Variants in WWOX observed in about 807,000 individuals in gnomAD.
WWOX encodes the protein WW domain containing oxidoreductase.
In WWOX, 69 loss-of-function variants were observed where a neutral mutation model predicts 46.2. That is an observed-to-expected ratio of 1.49 (90% CI 1.23 to 1.82). The LOEUF (loss-of-function observed/expected upper bound fraction) is 1.82, where lower values mean the gene tolerates loss of function less well. WWOX is among the 40% of genes most tolerant of loss of function. WWOX has a pLI of 0.00. For missense variants in WWOX, 919 were observed against 542.6 expected, an observed-to-expected ratio of 1.69 and a Z score of -6.89; for synonymous variants, 359 against 202.6, an observed-to-expected ratio of 1.77 and a Z score of -6.56.
chr16:78,235,120 ATAAT>A (rs1352314791), intron 5 of WWOX, among the ~76,000 whole-genome samples: 2 of 152,150 alleles, frequency 1.3e-5, no homozygotes, highest in Non-Finnish European at 2.9e-5. Context: ...AATATCATAA[ATAAT>A]TAAGAATTTA....
chr16:78,338,467 T>C (rs2080942535), intron 5 of WWOX, among the ~76,000 whole-genome samples: 1 of 121,730 alleles, frequency 8.2e-6, no homozygotes, highest in Non-Finnish European at 2.0e-5. Context: ...TTAAATTGTT[T>C]TATTATTGTT....
At chr16:79,163,337 G>T (rs2050524144) in intron 8 of WWOX, among the ~76,000 whole-genome samples, 1 of 152,148 alleles carries the variant, frequency 6.6e-6, no homozygotes, top group Non-Finnish European at 1.5e-5. Context: ...TAACTGGGGG[G>T]TCTTGAGGAA....
At chr16:78,528,799 C>T (rs775906693) in intron 8 of WWOX, among the ~76,000 whole-genome samples, 2 of 152,048 alleles carry the variant, frequency 1.3e-5, no homozygotes, top group South Asian at 2.1e-4. Flanking sequence ...GCTGGTTCTT[C>T]GTGTTCAGCA....
intron 4 of WWOX, among the ~76,000 whole-genome samples, chr16:78,139,157 G>C (rs1597254704): frequency 6.6e-6 from 1 of 152,216 alleles, no homozygotes; most frequent in East Asian, 1.9e-4. Context: ...CTGGTTAGTT[G>C]GTAGAAGAAA....
chr16:78,635,031 C>T (rs915434710), intron 8 of WWOX, among the ~76,000 whole-genome samples: 1 of 152,088 alleles, frequency 6.6e-6, no homozygotes, highest in Non-Finnish European at 1.5e-5. Flanking sequence ...CTCATCCAAC[C>T]CTGACGGCTT....
At chr16:79,100,920 G>C (rs1032928248) in intron 8 of WWOX, among the ~76,000 whole-genome samples, 1 of 151,854 alleles carries the variant, frequency 6.6e-6, no homozygotes, top group Non-Finnish European at 1.5e-5. Context: ...CACCCAACGG[G>C]GTTTTCTCCA....
At chr16:78,462,412 T>C (rs996513583) in intron 8 of WWOX, among the ~76,000 whole-genome samples, 3 of 152,206 alleles carry the variant, frequency 2.0e-5, no homozygotes, top group Non-Finnish European at 4.4e-5. Context: ...ATTTATCCTG[T>C]TGTCGCTAAT....
intron 8 of WWOX, among the ~76,000 whole-genome samples, chr16:79,019,303 G>A (rs376484618): frequency 1.9e-4 from 29 of 151,536 alleles, no homozygotes; most frequent in African/African-American, 5.6e-4. Flanking sequence ...TGGAGTGCAC[G>A]TACACAAACC....
At chr16:78,683,154 G>T (rs1293985592) in intron 8 of WWOX, among the ~76,000 whole-genome samples, 1 of 152,080 alleles carries the variant, frequency 6.6e-6, no homozygotes, top group Non-Finnish European at 1.5e-5. Flanking sequence ...GAGCAGGTAA[G>T]GAAAACACTG....
intron 8 of WWOX, among the ~76,000 whole-genome samples, chr16:79,073,885 G>A (rs1261864165): frequency 6.6e-6 from 1 of 152,022 alleles, no homozygotes; most frequent in Non-Finnish European, 1.5e-5. Flanking sequence ...ATTTTAAAAT[G>A]GGCTTATATT....
At chr16:78,778,476 G>T (rs2050246094) in intron 8 of WWOX, among the ~76,000 whole-genome samples, 1 of 152,206 alleles carries the variant, frequency 6.6e-6, no homozygotes, top group South Asian at 2.1e-4. Flanking sequence ...CACATGTTCA[G>T]GCTGTAATCC....
In WWOX at chr16:79,161,285, G is replaced by T. The variant is rs539129873; in HGVS notation, c.1057-50323G>T. On this transcript the variant is annotated intron_variant, in intron 8 of 8. Transcript: ENST00000566780. ...TCTTTTCCCAGCTAAATGACCTTGTGCTGGCTCCTCACCTCCTAAGCCTCA... is the reference window on the plus strand; with the variant it reads ...TCTTTTCCCAGCTAAATGACCTTGTTCTGGCTCCTCACCTCCTAAGCCTCA... Among the ~76,000 whole-genome samples the T allele has an allele frequency of 7.2e-5, 11 of 152,258 alleles. No homozygotes were observed. The East Asian group carries it at 1.4e-3, about 19-fold the overall frequency.
rs561696247 is a variant in WWOX, at chr16:78,800,707, C to G, written c.1056+367955C>G. Among the ~76,000 whole-genome samples, 5 of 152,292 alleles carry G rather than the reference C, an allele frequency of 3.3e-5. No homozygotes were observed. In the East Asian group the frequency reaches 9.7e-4, roughly 29 times the overall value. Reference sequence around the variant, plus strand: ...TTAGGGGGTTCCTGACTTCAGGCCTCTTTTCAGAATGAGGGAATTGTCTAA... The same window carrying G: ...TTAGGGGGTTCCTGACTTCAGGCCTGTTTTCAGAATGAGGGAATTGTCTAA... On this transcript the variant is annotated intron_variant, in intron 8 of 8. Transcript: ENST00000566780.
chr16:79,031,168 T>G (rs555049102), intron 8 of WWOX, among the ~76,000 whole-genome samples: 3 of 152,018 alleles, frequency 2.0e-5, no homozygotes, highest in African/African-American at 4.8e-5. Context: ...CCAACTCTTA[T>G]GATATGCGGA....
chr16:79,157,664 T>G (rs567598539), intron 8 of WWOX, among the ~76,000 whole-genome samples: 1 of 152,278 alleles, frequency 6.6e-6, no homozygotes, highest in South Asian at 2.1e-4. Context: ...CAGGAGACAA[T>G]GACCACTGAA....
chr16:78,655,329 CCTTT>C (rs2047056603), intron 8 of WWOX, among the ~76,000 whole-genome samples: 1 of 152,134 alleles, frequency 6.6e-6, no homozygotes, highest in Non-Finnish European at 1.5e-5. Flanking sequence ...CAGTGCCTGT[CCTTT>C]CTGAGAACTT....
chr16:78,208,275 A>G (rs891719056), intron 5 of WWOX, among the ~76,000 whole-genome samples: 1 of 152,214 alleles, frequency 6.6e-6, no homozygotes, highest in African/African-American at 2.4e-5. Context: ...GTAGGAGATA[A>G]CGAAGGCAGA....
intron 8 of WWOX, among the ~76,000 whole-genome samples, chr16:78,644,510 G>C (rs2046795278): frequency 6.6e-6 from 1 of 151,756 alleles, no homozygotes. Context: ...TGCTCAGGCT[G>C]CTGTACAGTG....
At chr16:78,502,712 A>G (rs776317617) in intron 8 of WWOX, among the ~76,000 whole-genome samples, 5 of 152,314 alleles carry the variant, frequency 3.3e-5, no homozygotes, top group Admixed American at 6.5e-5. Context: ...AGTGATGTCT[A>G]TGACACTGGG....
Sources: gnomAD v4.1 joint callset for allele counts (sites outside exome capture counted in the v4.1 genomes callset) on GRCh38, gnomAD v4.1.1 for gene constraint, MANE v1.5 for transcripts, NCBI Gene and HGNC (gene_info 2026-07-23, HGNC 2026-07-21) for gene names.